The following BAALC variants were observed in gnomAD, a reference collection of about 807,000 sequenced individuals.
BAALC encodes the protein BAALC binder of MAP3K1 and KLF4, also known as brain and acute leukemia cytoplasmic protein.
A neutral mutation model predicts 15.5 loss-of-function variants in BAALC; 9 were observed. The ratio of observed to expected loss-of-function variants is 0.58; its 90% CI spans 0.35 to 1.02. The LOEUF is 1.02. Among genes scored for constraint, BAALC ranks in the 50% least tolerant of loss-of-function variants. The pLI, the probability that BAALC is intolerant of heterozygous loss-of-function variation, is 0.02. For synonymous variants in BAALC, 80 were observed against 74.6 expected (o/e 1.07, Z -0.37); for missense variants, 201 against 192.4 (o/e 1.04, Z -0.27).
In BAALC at chr8:103,147,598, C is replaced by A. The variant is rs533020896; in HGVS notation, c.160+6541C>A. On this transcript the variant is annotated intron_variant, in intron 1 of 2. Coordinates refer to ENST00000309982, the MANE Select transcript of BAALC (RefSeq NM_024812.3). ...AGGTTTGGACTCCTGGAGGTCCAAC[C>A]TTCACCCTGGGATCTGTGCACCTGT... Among the ~76,000 whole-genome samples the A allele has an allele frequency of 7.2e-5, 11 of 152,250 alleles. No individual in the cohort carries two copies. In the East Asian group the frequency reaches 1.9e-3, roughly 27 times the overall value.
intron 2 of BAALC, among the ~76,000 whole-genome samples, chr8:103,226,580 C>T (rs1237896012): frequency 1.3e-5 from 2 of 152,212 alleles, no homozygotes; most frequent in Non-Finnish European, 2.9e-5. Flanking sequence ...CAAGAATAGG[C>T]ACAACACTGC....
intron 1 of BAALC, among the ~76,000 whole-genome samples, chr8:103,190,485 C>A (rs1367468676): frequency 6.6e-6 from 1 of 152,132 alleles, no homozygotes; most frequent in Non-Finnish European, 1.5e-5. Context: ...TTGAACTTTT[C>A]TCTCATGTTT....
rs542565876 is a variant in BAALC, at chr8:103,211,832, T to C, written c.161-1087T>C. ...GCCCTTCTCTCTAGTCCCTGCCCCA[T>C]ACAGACTCCTCTATTGTTGCTGACT... is the stretch of plus-strand genomic sequence containing the variant. On this transcript the variant is annotated intron_variant, in intron 1 of 2. Transcript: ENST00000309982. Among the ~76,000 whole-genome samples the C allele has an allele frequency of 4.4e-4, 67 of 152,322 alleles. 1 individual carries two copies. The highest frequency in any genetic ancestry group is 1.6e-3 in the Admixed American group (24 of 15,306).
chr8:103,182,657 T>C (rs1035234261), intron 1 of BAALC, among the ~76,000 whole-genome samples: 1 of 152,200 alleles, frequency 6.6e-6, no homozygotes, highest in Non-Finnish European at 1.5e-5. Context: ...TGTTGTCCAC[T>C]TGGTCCATAC....
chr8:103,173,936 G>C (rs1811552138), intron 1 of BAALC, among the ~76,000 whole-genome samples: 2 of 152,146 alleles, frequency 1.3e-5, no homozygotes, highest in African/African-American at 4.8e-5. Flanking sequence ...AGAACCAAAA[G>C]GGCGTGAAGA....
At chr8:103,185,669 A>G (rs1811818981) in intron 1 of BAALC, among the ~76,000 whole-genome samples, 1 of 152,200 alleles carries the variant, frequency 6.6e-6, no homozygotes, top group Non-Finnish European at 1.5e-5. Flanking sequence ...CGATCTGGGG[A>G]GACTGGAGGG....
chr8:103,172,512 C>T (rs1811520124), intron 1 of BAALC, among the ~76,000 whole-genome samples: 1 of 151,536 alleles, frequency 6.6e-6, no homozygotes, highest in South Asian at 2.1e-4. Flanking sequence ...GCCAATTCTC[C>T]TGCCTCAGCC....
chr8:103,186,294 G>A lies in BAALC; in HGVS notation c.161-26625G>A, dbSNP rs115558521. Among the ~76,000 whole-genome samples the A allele has an allele frequency of 2.3e-3, 352 of 152,256 alleles. 4 individuals are homozygous for A. The highest frequency in any genetic ancestry group is 7.4e-3 in the African/African-American group (309 of 41,546). On this transcript the variant is annotated intron_variant, in intron 1 of 2. Coordinates refer to ENST00000309982, the MANE Select transcript of BAALC (RefSeq NM_024812.3). ...TATGCTGCCTTCACAATCATCCTGC[G>A]AGGAGGCAACTATGGTCTCTGCTTT...
At chr8:103,213,342 C>A in intron 2 of BAALC, 1 of 389,162 alleles carries the variant, frequency 2.6e-6, no homozygotes, top group Non-Finnish European at 4.7e-6. Context: ...TTTCTGTGGC[C>A]ACTGTCACCA....
chr8:103,223,767 C>T (rs1260952084), intron 2 of BAALC, among the ~76,000 whole-genome samples: 1 of 152,138 alleles, frequency 6.6e-6, no homozygotes, highest in Non-Finnish European at 1.5e-5. Flanking sequence ...AGCTTTGTAT[C>T]ATCTGTGTAT....
chr8:103,144,740 AT>A (rs1232672642), intron 1 of BAALC, among the ~76,000 whole-genome samples: 4 of 152,198 alleles, frequency 2.6e-5, no homozygotes, highest in Non-Finnish European at 5.9e-5. Context: ...TTGCTAAATC[AT>A]TGTCTTAGTA....
intron 1 of BAALC, among the ~76,000 whole-genome samples, chr8:103,178,117 ATCAAAGTATATT>A (rs1811645206): frequency 6.6e-6 from 1 of 152,224 alleles, no homozygotes; most frequent in Non-Finnish European, 1.5e-5. Flanking sequence ...AGAGGACTAT[ATCAAAGTATATT>A]TCTCAAAATG....
intron 1 of BAALC, among the ~76,000 whole-genome samples, chr8:103,163,876 C>G (rs967828093): frequency 2.0e-5 from 3 of 152,168 alleles, no homozygotes; most frequent in African/African-American, 7.2e-5. Context: ...TTCTTCAGCA[C>G]CCACCCTAGA....
chr8:103,187,166 A>C (rs1811858514), intron 1 of BAALC, among the ~76,000 whole-genome samples: 1 of 152,144 alleles, frequency 6.6e-6, no homozygotes, highest in African/African-American at 2.4e-5. Context: ...GCACTATCAT[A>C]TCTTCCAGGC....
intron 1 of BAALC, among the ~76,000 whole-genome samples, chr8:103,192,231 T>C (rs921385337): frequency 1.3e-5 from 2 of 152,178 alleles, no homozygotes; most frequent in Non-Finnish European, 2.9e-5. Context: ...TTGGTACTTT[T>C]AGTAGAGACA....
intron 1 of BAALC, among the ~76,000 whole-genome samples, chr8:103,189,856 C>T (rs2129998075): frequency 6.6e-6 from 1 of 152,296 alleles, no homozygotes. Flanking sequence ...GGGAGAAAGA[C>T]ATGCTGAGGG....
At chr8:103,154,677 C>CG (rs398112812) in intron 1 of BAALC, 1 of 153,430 alleles carries the variant, frequency 6.5e-6, no homozygotes, top group Admixed American at 6.6e-5. Flanking sequence ...TCCCACAGCC[C>CG]ACCTGTCACC....
In BAALC at chr8:103,218,768, A is replaced by C. The variant is rs1812615725; in HGVS notation, c.327+5683A>C. ...GGAACTAGCATGGGGACTGATTCTC[A>C]GCTAAGGAGTTTTCTCCCGCTCCTC... On this transcript the variant is annotated intron_variant, in intron 2 of 2. Coordinates refer to ENST00000309982, the MANE Select transcript of BAALC (RefSeq NM_024812.3). 1.3e-5 allele frequency among the ~76,000 whole-genome samples: 2 copies of C among 152,244 alleles called. 1 individual carries two copies. Among genetic ancestry groups the C allele is most frequent in the South Asian group, 4.1e-4 (2 of 4,826 alleles).
chr8:103,187,144 C>T (rs1811858232), intron 1 of BAALC, among the ~76,000 whole-genome samples: 1 of 152,150 alleles, frequency 6.6e-6, no homozygotes, highest in African/African-American at 2.4e-5. Flanking sequence ...CCATCCCATA[C>T]ACACACACTG....
Sources: gnomAD v4.1 joint callset for allele counts (sites outside exome capture counted in the v4.1 genomes callset) on GRCh38, gnomAD v4.1.1 for gene constraint, MANE v1.5 for transcripts, NCBI Gene and HGNC (gene_info 2026-07-23, HGNC 2026-07-21) for gene names.